HCN1: variants seen among roughly 807,000 people sequenced by gnomAD.
HCN1 encodes the protein hyperpolarization activated cyclic nucleotide gated potassium channel 1.
HCN1 carries 13 observed loss-of-function variants against 78.9 expected under a neutral mutation model. The observed-to-expected ratio is 0.16, with a 90% CI of 0.11 to 0.26. HCN1 has a LOEUF of 0.26. Among genes scored for constraint, HCN1 ranks in the 10% least tolerant of loss-of-function variants. The probability of loss-of-function intolerance (pLI) is 1.00; values close to 1 mark genes in which losing one functional copy is unlikely to be tolerated. For synonymous variants in HCN1, 552 were observed against 455.5 expected (o/e 1.21, Z -2.70); for missense variants, 810 against 1,154.3 (o/e 0.70, Z 4.32).
chr5:45,630,939 TA>T (rs550796355), intron 2 of HCN1, among the ~76,000 whole-genome samples: 70 of 152,286 alleles, frequency 4.6e-4, no homozygotes, highest in Non-Finnish European at 6.6e-4. Context: ...ATATATTTAT[TA>T]AAAAAATGAA....
At chr5:45,348,222 A>G (rs867450135) in intron 5 of HCN1, among the ~76,000 whole-genome samples, 1 of 152,208 alleles carries the variant, frequency 6.6e-6, no homozygotes, top group African/African-American at 2.4e-5. Context: ...CAAAGTTCTT[A>G]AAGAAAAGAA....
chr5:45,289,379 G>T (rs1268570102), intron 6 of HCN1, among the ~76,000 whole-genome samples: 1 of 152,002 alleles, frequency 6.6e-6, no homozygotes, highest in East Asian at 1.9e-4. Flanking sequence ...TCATGCAGTT[G>T]TACTTGCATA....
chr5:45,313,508 C>A (rs1745906060), intron 5 of HCN1, among the ~76,000 whole-genome samples: 1 of 152,206 alleles, frequency 6.6e-6, no homozygotes, highest in Non-Finnish European at 1.5e-5. Flanking sequence ...CAGAACAAAG[C>A]TGGATGGAGA....
chr5:45,317,304 C>T (rs987005052), intron 5 of HCN1, among the ~76,000 whole-genome samples: 1 of 152,090 alleles, frequency 6.6e-6, no homozygotes, highest in Admixed American at 6.6e-5. Context: ...TTGACAAAAA[C>T]AAGAATTGGG....
chr5:45,372,455 A>G (rs1279897295), intron 4 of HCN1, among the ~76,000 whole-genome samples: 14 of 124,726 alleles, frequency 1.1e-4, no homozygotes, highest in African/African-American at 4.2e-4. Context: ...AAAAATATAT[A>G]AAACATTTAC....
At chr5:45,326,980 G>A (rs1458060055) in intron 5 of HCN1, among the ~76,000 whole-genome samples, 4 of 151,578 alleles carry the variant, frequency 2.6e-5, no homozygotes, top group Non-Finnish European at 5.9e-5. Flanking sequence ...AAATATAGAA[G>A]CAGACAAAAA....
intron 5 of HCN1, among the ~76,000 whole-genome samples, chr5:45,336,469 T>C (rs1746457888): frequency 6.6e-6 from 1 of 152,072 alleles, no homozygotes; most frequent in Non-Finnish European, 1.5e-5. Flanking sequence ...GAGCTCAGTG[T>C]GCAGGACGTA....
intron 3 of HCN1, among the ~76,000 whole-genome samples, chr5:45,402,284 A>G (rs1739829988): frequency 2.0e-5 from 3 of 152,182 alleles, no homozygotes; most frequent in African/African-American, 4.8e-5. Flanking sequence ...ACCGTATTTT[A>G]GGAAGATTGA....
At chr5:45,468,208 A>G (rs533320403) in intron 2 of HCN1, among the ~76,000 whole-genome samples, 2 of 152,282 alleles carry the variant, frequency 1.3e-5, no homozygotes, top group Non-Finnish European at 2.9e-5. Context: ...AGTGGCACAG[A>G]TATGATGATA....
chr5:45,291,586 C>T (rs1485070704), intron 6 of HCN1, among the ~76,000 whole-genome samples: 2 of 151,896 alleles, frequency 1.3e-5, no homozygotes. Flanking sequence ...ACTCTGTTGC[C>T]CAGGCTGGAG....
chr5:45,379,468 T>A (rs897750070), intron 4 of HCN1, among the ~76,000 whole-genome samples: 1 of 140,670 alleles, frequency 7.1e-6, no homozygotes, highest in South Asian at 2.2e-4. Context: ...TGTTTGAAAC[T>A]ATGTAAAGGA....
At chr5:45,659,023 A>G (rs1368744408) in intron 1 of HCN1, among the ~76,000 whole-genome samples, 4 of 151,426 alleles carry the variant, frequency 2.6e-5, no homozygotes, top group Non-Finnish European at 5.9e-5. Flanking sequence ...ACAAAAAGAC[A>G]GCAGTAACCT....
At chr5:45,543,363 G>T (rs1743143191) in intron 2 of HCN1, among the ~76,000 whole-genome samples, 1 of 151,926 alleles carries the variant, frequency 6.6e-6, no homozygotes, top group South Asian at 2.1e-4. Context: ...AAAGCCATTG[G>T]AATTTTGTTT....
At chr5:45,411,356 TC>T in intron 3 of HCN1, among the ~76,000 whole-genome samples, 1 of 151,666 alleles carries the variant, frequency 6.6e-6, no homozygotes, top group Admixed American at 6.6e-5. Context: ...TCTTTTAACT[TC>T]TGTTTTTTTT....
At chr5:45,270,097 A>C (rs1465611872) in intron 6 of HCN1, among the ~76,000 whole-genome samples, 7 of 152,234 alleles carry the variant, frequency 4.6e-5, no homozygotes, top group Admixed American at 4.6e-4. Context: ...CACTGTGCCC[A>C]TAATACTTTT....
chr5:45,505,317 T>C (rs1464632532), intron 2 of HCN1, among the ~76,000 whole-genome samples: 2 of 152,190 alleles, frequency 1.3e-5, no homozygotes, highest in East Asian at 1.9e-4. Flanking sequence ...GCTTTCTACA[T>C]ATGGCTAGCC....
intron 5 of HCN1, among the ~76,000 whole-genome samples, chr5:45,333,122 C>A: frequency 6.6e-6 from 1 of 151,738 alleles, no homozygotes; most frequent in Non-Finnish European, 1.5e-5. Flanking sequence ...TACAAGGGTT[C>A]CCTTTTCTCC....
At chr5:45,649,056 G>A (rs537532160) in intron 1 of HCN1, among the ~76,000 whole-genome samples, 6 of 152,006 alleles carry the variant, frequency 3.9e-5, no homozygotes, top group Admixed American at 3.3e-4. Context: ...TCAGGCAAGA[G>A]GGCACTTGCT....
intron 1 of HCN1, among the ~76,000 whole-genome samples, chr5:45,673,152 T>C (rs1052861570): frequency 6.6e-6 from 1 of 151,522 alleles, no homozygotes; most frequent in African/African-American, 2.4e-5. Context: ...TCATATACTT[T>C]GTAAAATGAC....
Sources: gnomAD v4.1 joint callset for allele counts (sites outside exome capture counted in the v4.1 genomes callset) on GRCh38, gnomAD v4.1.1 for gene constraint, MANE v1.5 for transcripts, NCBI Gene and HGNC (gene_info 2026-07-23, HGNC 2026-07-21) for gene names.